The following ARFGAP3 variants were observed in gnomAD, a reference collection of about 807,000 sequenced individuals.
The protein encoded by ARFGAP3 is ADP-ribosylation factor GTPase-activating protein 3.
In ARFGAP3, 72 loss-of-function variants were observed where a neutral mutation model predicts 75.0. The observed-to-expected ratio is 0.96, with a 90% CI of 0.79 to 1.17. The LOEUF (loss-of-function observed/expected upper bound fraction) is 1.17, where lower values mean the gene tolerates loss of function less well. Among genes scored for constraint, ARFGAP3 ranks in the 50% most tolerant of loss-of-function variants. ARFGAP3 has a pLI of 0.00. For missense variants in ARFGAP3, 620 were observed against 626.6 expected, an observed-to-expected ratio of 0.99 and a Z score of 0.11; for synonymous variants, 221 against 217.9, an observed-to-expected ratio of 1.01 and a Z score of -0.13.
At chr22:42,799,363 A>ATTTTC in intron 14 of ARFGAP3, 1 of 436,174 alleles carries the variant, frequency 2.3e-6, no homozygotes, top group Non-Finnish European at 3.0e-6. Flanking sequence ...ACGACAGAAA[A>ATTTTC]TGTAGTATGG....
intron 15 of ARFGAP3, among the ~76,000 whole-genome samples, chr22:42,798,443 A>C (rs1378294822): frequency 6.6e-6 from 1 of 152,268 alleles, no homozygotes; most frequent in Non-Finnish European, 1.5e-5. Flanking sequence ...GAAGGTGCAA[A>C]GAAACGAGCC....
At position 42,796,841 on chromosome 22, in the gene ARFGAP3, A is replaced by C. The variant is rs983802426; in HGVS notation, c.*747T>G. ...GTATCTTCTTACCTCATTCCACTTT[A>C]ACTCTGTATACCGTATTGATTTGTG... On this transcript the variant is annotated 3_prime_UTR_variant, in exon 16 of 16. Transcript: ENST00000263245. The C allele has an allele frequency of 6.6e-6, 1 of 152,166 alleles. No homozygotes were observed. The highest frequency in any genetic ancestry group is 6.5e-5 in the Admixed American group (1 of 15,282). 9.4% of individuals were successfully genotyped at this position (152,166 alleles called of 1,614,324 possible). A position where few individuals can be genotyped will look rare whatever the true frequency, so the allele number is the denominator to read the frequency against.
At chr22:42,851,633 T>C (rs1927280940) in intron 1 of ARFGAP3, among the ~76,000 whole-genome samples, 1 of 152,206 alleles carries the variant, frequency 6.6e-6, no homozygotes, top group East Asian at 1.9e-4. Context: ...CTGGCTCCCA[T>C]AAATGCTGCC....
chr22:42,812,392 G>T (rs992158906), intron 11 of ARFGAP3, among the ~76,000 whole-genome samples: 2 of 152,162 alleles, frequency 1.3e-5, no homozygotes, highest in African/African-American at 4.8e-5. Context: ...GGTGACAGAA[G>T]AGAATGCAGA....
At chr22:42,842,011 C>CTTTTT (rs55825441) in intron 2 of ARFGAP3, among the ~76,000 whole-genome samples, 2 of 91,274 alleles carry the variant, frequency 2.2e-5, no homozygotes, top group Non-Finnish European at 2.0e-5. Flanking sequence ...CCATGCCGGG[C>CTTTTT]TTTTTTTTTT....
chr22:42,847,870 AT>A (rs1365266464), intron 1 of ARFGAP3: 3 of 170,894 alleles, frequency 1.8e-5, no homozygotes, highest in African/African-American at 4.8e-5. Context: ...TATATTATGT[AT>A]TTTTTTATTC....
chr22:42,809,533 G>C (rs144071251), intron 12 of ARFGAP3, among the ~76,000 whole-genome samples: 1 of 152,014 alleles, frequency 6.6e-6, no homozygotes, highest in Non-Finnish European at 1.5e-5. Flanking sequence ...ACAGACCTGG[G>C]GTGACCAGGG....
chr22:42,809,067 C>G (rs774097619), intron 12 of ARFGAP3, 177 bp from the exon 13 acceptor site: 2 of 456,600 alleles, frequency 4.4e-6, no homozygotes, highest in South Asian at 9.3e-5. Flanking sequence ...CCAAACGATA[C>G]AAAATTTGAA....
intron 15 of ARFGAP3, 183 bp from the exon 16 acceptor site, chr22:42,797,788 G>T: frequency 1.0e-6 from 1 of 971,412 alleles, no homozygotes; most frequent in Non-Finnish European, 1.2e-6. Context: ...AAGGCTGAGG[G>T]TAGGTGTGGG....
chr22:42,837,477 T>C (rs1016787349), intron 3 of ARFGAP3, among the ~76,000 whole-genome samples: 2 of 151,662 alleles, frequency 1.3e-5, no homozygotes, highest in African/African-American at 2.4e-5. Flanking sequence ...AAAAACTTGT[T>C]GTGCGTGGTG....
chr22:42,827,672 G>A (rs1926103927), intron 6 of ARFGAP3, among the ~76,000 whole-genome samples: 1 of 151,988 alleles, frequency 6.6e-6, no homozygotes, highest in South Asian at 2.1e-4. Flanking sequence ...GGCCTAATAT[G>A]TGGAAATTCT....
intron 10 of ARFGAP3, 94 bp downstream of exon 10, chr22:42,817,635 T>C (rs1040687587): frequency 1.1e-6 from 1 of 932,018 alleles, no homozygotes; most frequent in Non-Finnish European, 1.6e-6. Context: ...CAAAAAAAAA[T>C]CTCTAAAGTT....
At chr22:42,841,254 C>T (rs954288920) in intron 2 of ARFGAP3, 6 of 229,282 alleles carry the variant, frequency 2.6e-5, no homozygotes, top group Admixed American at 2.0e-4. Context: ...TGACAAGTGT[C>T]AGCGGGCTGC....
rs1927547503 is a variant in ARFGAP3, at chr22:42,857,216, C to G, written c.-34G>C. On this transcript the variant is annotated 5_prime_UTR_variant, in exon 1 of 16. Coordinates refer to ENST00000263245, the MANE Select transcript of ARFGAP3 (RefSeq NM_014570.5). ...GTGAGCCGCGGCGCAGCTGGCCCAGCCAACCGGTAAGAGTCGACGAAAAGC... is the reference window on the plus strand; with the variant it reads ...GTGAGCCGCGGCGCAGCTGGCCCAGGCAACCGGTAAGAGTCGACGAAAAGC... The G allele has an allele frequency of 2.0e-6, 3 of 1,502,672 alleles. No individual in the cohort carries two copies. In the East Asian group the frequency reaches 8.6e-5, roughly 43 times the overall value. 93.1% of individuals were successfully genotyped at this position (1,502,672 alleles called of 1,614,324 possible).
At chr22:42,840,441 G>A (rs1229714428) in intron 3 of ARFGAP3, among the ~76,000 whole-genome samples, 12 of 151,628 alleles carry the variant, frequency 7.9e-5, no homozygotes, top group African/African-American at 2.9e-4. Flanking sequence ...TTTTGGGATG[G>A]AGTCTCGCTC....
chr22:42,844,284 G>A (rs552345467), intron 2 of ARFGAP3, among the ~76,000 whole-genome samples: 4 of 152,084 alleles, frequency 2.6e-5, no homozygotes, highest in Admixed American at 2.6e-4. Flanking sequence ...GCTCACTGCA[G>A]CCTCAAACTC....
At chr22:42,800,805 G>C (rs923137755) in intron 14 of ARFGAP3, among the ~76,000 whole-genome samples, 1 of 152,224 alleles carries the variant, frequency 6.6e-6, no homozygotes, top group African/African-American at 2.4e-5. Flanking sequence ...TGGAGGGGCC[G>C]GGTGGCCATG....
intron 11 of ARFGAP3, 157 bp from the exon 12 acceptor site, chr22:42,811,101 T>C: frequency 1.2e-6 from 1 of 806,212 alleles, no homozygotes. Context: ...ACGAGGTGTG[T>C]CATTTCCAAG....
intron 2 of ARFGAP3, among the ~76,000 whole-genome samples, chr22:42,842,514 C>A (rs1216378793): frequency 1.3e-5 from 2 of 151,486 alleles, no homozygotes; most frequent in Non-Finnish European, 2.9e-5. Flanking sequence ...GTGAGGCGAT[C>A]TCAGCTCATG....
Sources: allele counts gnomAD v4.1 joint callset (sites outside exome capture counted in the v4.1 genomes callset), GRCh38; gene constraint gnomAD v4.1.1; transcripts MANE v1.5; gene names NCBI Gene and HGNC (gene_info 2026-07-23, HGNC 2026-07-21).